GPHN: variants seen among roughly 807,000 people sequenced by gnomAD.
GPHN encodes gephyrin.
In GPHN, 17 loss-of-function variants were observed where a neutral mutation model predicts 95.5. That is an observed-to-expected ratio of 0.18 (90% CI 0.12 to 0.27). GPHN has a LOEUF of 0.27. GPHN is among the 10% of genes least tolerant of loss of function. GPHN has a pLI of 1.00. For missense variants in GPHN, 660 were observed against 978.1 expected, an observed-to-expected ratio of 0.67 and a Z score of 4.34; for synonymous variants, 320 against 322.5, an observed-to-expected ratio of 0.99 and a Z score of 0.08.
chr14:67,085,193 C>T (rs1376599469), intron 11 of GPHN, among the ~76,000 whole-genome samples: 1 of 152,112 alleles, frequency 6.6e-6, no homozygotes, highest in African/African-American at 2.4e-5. Context: ...ACTACCAGAA[C>T]AAAGTTTTTA....
chr14:67,635,834 A>G, the GPHN span, among the ~76,000 whole-genome samples: 1 of 152,220 alleles, frequency 6.6e-6, no homozygotes, highest in Non-Finnish European at 1.5e-5. Flanking sequence ...CGTGGGTGAA[A>G]GAGCAAAACT....
chr14:67,316,702 G>A, the GPHN span: 1 of 645,052 alleles, frequency 1.6e-6, no homozygotes, highest in African/African-American at 1.8e-5. Context: ...TTACTCCTGT[G>A]TTGGCAAAAG....
the GPHN span, among the ~76,000 whole-genome samples, chr14:67,189,162 T>C: frequency 6.6e-6 from 1 of 152,222 alleles, no homozygotes; most frequent in Admixed American, 6.5e-5. Flanking sequence ...TCTGATATTT[T>C]TCCCGTGGTT....
At chr14:67,321,023 T>C in the GPHN span, 8 of 1,586,662 alleles carry the variant, frequency 5.0e-6, no homozygotes, top group Non-Finnish European at 6.9e-6. Context: ...CTCTAAGCCA[T>C]GCCTGTTATT....
At chr14:66,915,926 T>G in intron 5 of GPHN, 77 bp from the exon 6 acceptor site, 1 of 828,984 alleles carries the variant, frequency 1.2e-6, no homozygotes, top group Non-Finnish European at 2.1e-6. Flanking sequence ...AGTAAAATGA[T>G]TGTTATTTGT....
chr14:67,304,731 A>C, the GPHN span, among the ~76,000 whole-genome samples: 1 of 152,216 alleles, frequency 6.6e-6, no homozygotes, highest in Non-Finnish European at 1.5e-5. Flanking sequence ...TAATTGTACA[A>C]ATCTGTGAAT....
intron 1 of GPHN, among the ~76,000 whole-genome samples, chr14:66,559,354 AAC>A (rs1175090632): frequency 7.6e-6 from 1 of 131,698 alleles, no homozygotes; most frequent in Non-Finnish European, 1.6e-5. Context: ...CAGTCCCACC[AAC>A]AGTGTAAAAG....
chr14:66,565,861 ATAGG>A (rs1316971529), intron 1 of GPHN, among the ~76,000 whole-genome samples: 1 of 152,206 alleles, frequency 6.6e-6, no homozygotes, highest in Non-Finnish European at 1.5e-5. Context: ...GATATTTAAA[ATAGG>A]TAAGTATGTA....
chr14:66,990,792 T>C (rs1337383964), intron 9 of GPHN, among the ~76,000 whole-genome samples: 2 of 151,928 alleles, frequency 1.3e-5, no homozygotes, highest in African/African-American at 4.8e-5. Context: ...TTATGGAGAA[T>C]TTAAGATATC....
chr14:66,541,360 T>A (rs895947980), intron 1 of GPHN, among the ~76,000 whole-genome samples: 4 of 152,154 alleles, frequency 2.6e-5, no homozygotes, highest in Non-Finnish European at 4.4e-5. Context: ...TTGTAAAGGA[T>A]ATGTGTTTTT....
intron 5 of GPHN, among the ~76,000 whole-genome samples, chr14:66,882,234 C>G (rs2063964167): frequency 6.6e-6 from 1 of 151,678 alleles, no homozygotes; most frequent in African/African-American, 2.4e-5. Context: ...TCCTCAGCCC[C>G]TAAAACAAAT....
At chr14:66,659,936 T>C (rs1162331758) in intron 1 of GPHN, among the ~76,000 whole-genome samples, 1 of 152,044 alleles carries the variant, frequency 6.6e-6, no homozygotes, top group Non-Finnish European at 1.5e-5. Context: ...GGAGCTTAAG[T>C]CTCCCACTGT....
chr14:67,384,066 C>G, the GPHN span: 1 of 155,008 alleles, frequency 6.5e-6, no homozygotes, highest in Non-Finnish European at 1.4e-5. Context: ...GGGACAAAGC[C>G]TTAAAATGCA....
At chr14:67,569,282 G>A in the GPHN span, 1 of 1,166,392 alleles carries the variant, frequency 8.6e-7, no homozygotes, top group Non-Finnish European at 1.3e-6. Flanking sequence ...AAGCGGGGAG[G>A]AGAAGACTCC....
chr14:67,213,903 C>A, the GPHN span, among the ~76,000 whole-genome samples: 1 of 152,174 alleles, frequency 6.6e-6, no homozygotes, highest in African/African-American at 2.4e-5. Flanking sequence ...ATTTGCATTT[C>A]TCTGATGGCC....
chr14:67,107,272 A>G (rs1228299428), intron 13 of GPHN, among the ~76,000 whole-genome samples: 1 of 152,082 alleles, frequency 6.6e-6, no homozygotes, highest in Non-Finnish European at 1.5e-5. Flanking sequence ...CCAAGCAGCT[A>G]CAGTGGCACT....
chr14:67,267,748 A>G, the GPHN span, among the ~76,000 whole-genome samples: 1 of 152,268 alleles, frequency 6.6e-6, no homozygotes, highest in East Asian at 1.9e-4. Flanking sequence ...TGCCTTTTTC[A>G]GTCAGAATCT....
chr14:67,338,715 T>G, the GPHN span: 1 of 1,613,744 alleles, frequency 6.2e-7, no homozygotes, highest in South Asian at 1.1e-5. Context: ...CAAGTCCTTC[T>G]CAGATTTTTC....
the GPHN span, among the ~76,000 whole-genome samples, chr14:67,231,979 A>AC: frequency 6.6e-6 from 1 of 151,920 alleles, no homozygotes. Flanking sequence ...TAAAAAAAAA[A>AC]AAAAAAATTA....
Sources: allele counts gnomAD v4.1 joint callset (sites outside exome capture counted in the v4.1 genomes callset), GRCh38; gene constraint gnomAD v4.1.1; transcripts MANE v1.5; gene names NCBI Gene and HGNC (gene_info 2026-07-23, HGNC 2026-07-21).